The following GCN1 variants were observed in gnomAD, a reference collection of about 807,000 sequenced individuals.
The protein encoded by GCN1 is GCN1 activator of EIF2AK4.
In GCN1, 90 loss-of-function variants were observed where a neutral mutation model predicts 288.4. The ratio of observed to expected loss-of-function variants is 0.31; its 90% CI spans 0.26 to 0.37. GCN1 has a LOEUF of 0.37. Among genes scored for constraint, GCN1 ranks in the 10% least tolerant of loss-of-function variants. The pLI is 1.00. For missense variants in GCN1, 2,586 were observed against 3,419.9 expected (o/e 0.76, Z 6.08); for synonymous variants, 1,386 against 1,420.2 (o/e 0.98, Z 0.54).
chr12:120,188,357 C>G lies in GCN1; in HGVS notation c.121+1941G>C, dbSNP rs533658902. ...GCTGAGGCAGGAGAATCACTTGAACCCGGGAGGCGGAGGTTGCAGTGAGCA... is the reference window on the plus strand; with the variant it reads ...GCTGAGGCAGGAGAATCACTTGAACGCGGGAGGCGGAGGTTGCAGTGAGCA... On this transcript the variant is annotated intron_variant, in intron 2 of 57. Coordinates refer to ENST00000300648, the MANE Select transcript of GCN1 (RefSeq NM_006836.2). Among the ~76,000 whole-genome samples the G allele has an allele frequency of 5.4e-5, 8 of 149,462 alleles. No homozygotes were observed. The South Asian group carries it at 1.1e-3, about 21-fold the overall frequency.
intron 5 of GCN1, 25 bp from the exon 6 acceptor site, chr12:120,178,975 G>C: frequency 6.3e-7 from 1 of 1,590,442 alleles, no homozygotes. Context: ...GAAGACTCAG[G>C]TCAAGGTGGG....
intron 16 of GCN1, 29 bp downstream of exon 16, chr12:120,168,179 C>G: frequency 7.8e-7 from 1 of 1,276,980 alleles, no homozygotes; most frequent in South Asian, 1.2e-5. Context: ...GCCTCAATCC[C>G]GAGTTCAACT....
At chr12:120,139,225 G>A (rs904616643) in intron 45 of GCN1, among the ~76,000 whole-genome samples, 9 of 151,876 alleles carry the variant, frequency 5.9e-5, no homozygotes, top group African/African-American at 7.3e-5. Context: ...CACAAGAATC[G>A]CTTGAACCCA....
At chr12:120,182,602 G>C (rs1878700441) in intron 5 of GCN1, among the ~76,000 whole-genome samples, 1 of 152,164 alleles carries the variant, frequency 6.6e-6, no homozygotes, top group Non-Finnish European at 1.5e-5. Flanking sequence ...ATGAGGAAAT[G>C]GGCTCAGAAG....
Position 120,163,250 on chromosome 12 carries a change from A to T in GCN1, c.1858T>A (p.Leu620Ile). 1 of 1,613,790 alleles carries T rather than the reference A, an allele frequency of 6.2e-7. No homozygotes were observed. Among genetic ancestry groups the T allele is most frequent in the Non-Finnish European group, 8.5e-7 (1 of 1,179,714 alleles). The change falls in exon 19 of 58, where the codon TTA (leucine) becomes ATA (isoleucine). Residue 620 changes from leucine (L) to isoleucine (I), a missense_variant. Transcript: ENST00000300648. ...CCAGCATCAGTCACCAAAGCCTCTAAGGGCAGCACCTGTGTGGAGACACAT... is the reference window on the plus strand; with the variant it reads ...CCAGCATCAGTCACCAAAGCCTCTATGGGCAGCACCTGTGTGGAGACACAT... ...TVLSSHKVLP[L>I]EALVTDAGEV...
intron 5 of GCN1, 112 bp downstream of exon 5, chr12:120,183,456 TG>T: frequency 1.4e-6 from 1 of 724,844 alleles, no homozygotes; most frequent in South Asian, 1.5e-5. Flanking sequence ...CAACTCAGAG[TG>T]TCTGGTCACC....
At chr12:120,145,604 C>T (rs946492139) in intron 38 of GCN1, among the ~76,000 whole-genome samples, 4 of 152,232 alleles carry the variant, frequency 2.6e-5, no homozygotes, top group African/African-American at 9.6e-5. Flanking sequence ...GCACCTCCCA[C>T]CCTTCTCTTA....
chr12:120,152,389 G>GCGCA (rs577384503), intron 33 of GCN1, among the ~76,000 whole-genome samples: 49 of 116,588 alleles, frequency 4.2e-4, no homozygotes, highest in East Asian at 2.8e-3. Context: ...ACACACACGC[G>GCGCA]CACACACACA....
rs1878032466 is a variant in GCN1 at position 120,164,380 on chromosome 12, G to A, written c.1804C>T (p.His602Tyr). Residue 602 changes from histidine to tyrosine, a missense_variant, in exon 18 of 58, where the codon CAC becomes TAC. His to Tyr is a moderately conservative substitution (Grantham distance 83, BLOSUM62 2). Transcript: ENST00000300648. The part of the protein sequence containing the change: ...LSSLGGFKLA[H>Y]GLLEELKTVL... ...GTCTTCAGCTCCTCCAAGAGTCCGT[G>A]CGCCAGCTTAAAGCCCCCAAGAGAG... The A allele has an allele frequency of 6.2e-7, 1 of 1,614,154 alleles. No individual in the cohort carries two copies. The highest frequency in any genetic ancestry group is 1.3e-5 in the African/African-American group (1 of 75,042).
At chr12:120,136,931 A>G (rs1225944945) in intron 50 of GCN1, among the ~76,000 whole-genome samples, 199 bp from the exon 51 acceptor site, 2 of 152,188 alleles carry the variant, frequency 1.3e-5, no homozygotes, top group African/African-American at 4.8e-5. Flanking sequence ...AAGGGCCCCA[A>G]CAGGCCTATC....
Position 120,155,318 on chromosome 12 carries a change from G to A in GCN1, c.3553C>T (p.Gln1185Ter). Residue 1185 changes from glutamine to a stop codon, truncating the protein, a stop_gained, in exon 30 of 58, where the codon CAA (glutamine) becomes TAA (stop). Coordinates refer to ENST00000300648, the MANE Select transcript of GCN1 (RefSeq NM_006836.2). LOFTEE classifies it high-confidence loss of function. The surrounding 1 kb of genome is among the most constrained non-coding windows in gnomAD (Gnocchi z 4.9). ...VRQAGAEALS[Q>*]AVARYQRQAA... ...TGCCGCTGGTAACGTGCCACTGCTT[G>A]GGAGAGGGCTTCGGCCCCTGCCTGC... 1.2e-6 allele frequency: 2 copies of A among 1,614,200 alleles called. No individual in the cohort carries two copies. Among genetic ancestry groups the A allele is most frequent in the Non-Finnish European group, 1.7e-6 (2 of 1,180,026 alleles).
chr12:120,163,269 G>C lies in GCN1; in HGVS notation c.1849-10C>G, dbSNP rs775963019. The C allele has an allele frequency of 2.4e-5, 38 of 1,609,034 alleles. No homozygotes were observed. In the Middle Eastern group the frequency reaches 4.9e-4, roughly 21 times the overall value. ...CCTCTAAGGGCAGCACCTGTGTGGA[G>C]ACACATGAGATAATACTGCTAAGAG... On this transcript the variant is annotated splice_polypyrimidine_tract_variant and intron_variant, in intron 18 of 57. Coordinates refer to ENST00000300648, the MANE Select transcript of GCN1 (RefSeq NM_006836.2).
At chr12:120,165,398 G>A (rs1385431997) in intron 16 of GCN1, among the ~76,000 whole-genome samples, 1 of 152,026 alleles carries the variant, frequency 6.6e-6, no homozygotes, top group Admixed American at 6.6e-5. Context: ...TTGAACTCCT[G>A]ACCACAGGTG....
At chr12:120,157,794 C>A in intron 26 of GCN1, 55 bp downstream of exon 26, 1 of 1,418,996 alleles carries the variant, frequency 7.0e-7, no homozygotes, top group South Asian at 1.2e-5. Context: ...TGTCCACAGG[C>A]CCTGCCTCCC....
chr12:120,159,172 A>G (rs1468568347), intron 24 of GCN1, among the ~76,000 whole-genome samples: 1 of 152,198 alleles, frequency 6.6e-6, no homozygotes, highest in Non-Finnish European at 1.5e-5. Flanking sequence ...CCAAAGAGTC[A>G]TTCAGCCAAG....
chr12:120,154,791 T>C lies in GCN1; in HGVS notation c.3701+179A>G, dbSNP rs578145632. Among the ~76,000 whole-genome samples, 3 of 152,310 alleles carry C rather than the reference T, an allele frequency of 2.0e-5. No individual in the cohort carries two copies. The South Asian group carries it at 6.2e-4, about 32-fold the overall frequency. On this transcript the variant is annotated intron_variant, in intron 31 of 57. Transcript: ENST00000300648. ...GCAGGTCAGAGGCTCTTCTGAAAGATGGTGCCTCACACGGTCCAATCCCAC... is the reference window on the plus strand; with the variant it reads ...GCAGGTCAGAGGCTCTTCTGAAAGACGGTGCCTCACACGGTCCAATCCCAC...
In GCN1 at chr12:120,178,753, C is replaced by T. The variant is rs753380253; in HGVS notation, c.532G>A (p.Gly178Arg). The change falls in exon 7 of 58, where the codon GGG becomes AGG. Residue 178 changes from glycine (G) to arginine (R), a missense_variant. This residue lies in a region of GCN1 where 913 missense variants were observed against 1,107.0 expected (regional missense o/e 0.82). Transcript: ENST00000300648. ...GCTGACAAGTACTGTTCCACCAGCC[C>T]GGGGTTCTGAAGAGGAAAGTGCCAG... ...KLTKLWKENP[G>R]LVEQYLSAIL... is the part of the protein sequence containing the mutation. 1.6e-5 allele frequency: 26 copies of T among 1,614,082 alleles called. No individual in the cohort carries two copies. The highest frequency in any genetic ancestry group is 1.6e-4 in the Middle Eastern group (1 of 6,084).
intron 24 of GCN1, among the ~76,000 whole-genome samples, chr12:120,159,113 G>A (rs1029097936): frequency 4.6e-5 from 7 of 152,108 alleles, no homozygotes; most frequent in African/African-American, 1.4e-4. Context: ...GCAGAGAGTT[G>A]CCCTTTGGAC....
intron 51 of GCN1, among the ~76,000 whole-genome samples, chr12:120,135,371 G>T (rs916788888): frequency 1.4e-5 from 2 of 148,092 alleles, no homozygotes; most frequent in Middle Eastern, 3.2e-3. Context: ...TTTTTGTTTT[G>T]TTTTTTTTTT....
Sources: allele counts gnomAD v4.1 joint callset (sites outside exome capture counted in the v4.1 genomes callset), GRCh38; gene constraint gnomAD v4.1.1; regional missense constraint gnomAD v4.1.1; non-coding constraint Gnocchi (gnomAD v3.1); transcripts MANE v1.5; gene names NCBI Gene and HGNC (gene_info 2026-07-23, HGNC 2026-07-21).